Variants in RILPL2 observed in about 807,000 individuals in gnomAD.
RILPL2 encodes Rab interacting lysosomal protein like 2, also known as RILP-like protein 2.
Under a neutral mutation model 22.2 loss-of-function variants are expected in RILPL2, and 19 were observed. The observed-to-expected ratio is 0.86, with a 90% CI of 0.60 to 1.25. The LOEUF is 1.25. Ranked by LOEUF, RILPL2 falls within the 50% of genes most tolerant of loss-of-function variation. RILPL2 has a pLI of 0.00. For synonymous variants in RILPL2, 123 were observed against 111.6 expected (o/e 1.10, Z -0.64); for missense variants, 243 against 263.6 (o/e 0.92, Z 0.54).
chr12:123,431,691 T>C (rs999190009), intron 1 of RILPL2, among the ~76,000 whole-genome samples: 58 of 151,172 alleles, frequency 3.8e-4, no homozygotes, highest in Admixed American at 3.2e-3. Flanking sequence ...CCAGGCGTGG[T>C]GGCAGGCGCC....
At chr12:123,424,445 C>A (rs1470365228) in intron 2 of RILPL2, among the ~76,000 whole-genome samples, 1 of 151,002 alleles carries the variant, frequency 6.6e-6, no homozygotes, top group East Asian at 2.0e-4. Context: ...GATTCTCCTG[C>A]CTCAGCCTCC....
At chr12:123,423,817 CTCATT>C (rs1879359615) in intron 2 of RILPL2, among the ~76,000 whole-genome samples, 1 of 151,946 alleles carries the variant, frequency 6.6e-6, no homozygotes, top group Admixed American at 6.6e-5. Flanking sequence ...CCACACCCGG[CTCATT>C]TTTTGTATTT....
At chr12:123,430,232 ACT>A (rs1486474853) in intron 2 of RILPL2, among the ~76,000 whole-genome samples, 1 of 151,034 alleles carries the variant, frequency 6.6e-6, no homozygotes, top group Non-Finnish European at 1.5e-5. Context: ...ACACGGTGAA[ACT>A]CCGTTTCTAC....
chr12:123,433,252 A>G (rs1350125355), intron 1 of RILPL2, among the ~76,000 whole-genome samples: 1 of 150,986 alleles, frequency 6.6e-6, no homozygotes, highest in East Asian at 2.0e-4. Context: ...GACTACAGGC[A>G]CGTGCCACCG....
intron 2 of RILPL2, among the ~76,000 whole-genome samples, chr12:123,427,432 A>G (rs1316956685): frequency 6.6e-6 from 1 of 152,198 alleles, no homozygotes; most frequent in Non-Finnish European, 1.5e-5. Flanking sequence ...GAGGGAAAAC[A>G]GAATCCACCT....
At chr12:123,421,347 G>GA (rs1593489002) in intron 3 of RILPL2, among the ~76,000 whole-genome samples, 1 of 152,102 alleles carries the variant, frequency 6.6e-6, no homozygotes, top group African/African-American at 2.4e-5. Context: ...TAGCTATGGC[G>GA]AATCTTAAGG....
At position 123,423,070 on chromosome 12, in the gene RILPL2, C is replaced by T. The variant is rs200744433; in HGVS notation, c.579G>A (p.Lys193=). ...GCTTTTTTATGATTGTCTTCTCCTC[C>T]TTGTTCCTGCCAGCATTTTTGGCAC... The part of the protein sequence containing the change: ...VTSAKNAGRN[K]EEKTIIKKLF... Residue 193 remains lysine, a synonymous_variant, in exon 3 of 4, where the codon AAG becomes AAA. Coordinates refer to ENST00000280571, the MANE Select transcript of RILPL2 (RefSeq NM_145058.3). 6.2e-5 allele frequency: 100 copies of T among 1,613,682 alleles called. No individual in the cohort carries two copies. Among genetic ancestry groups the T allele is most frequent in the Non-Finnish European group, 3.4e-6 (4 of 1,179,722 alleles).
chr12:123,420,585 C>T (rs1195850890), intron 3 of RILPL2, among the ~76,000 whole-genome samples: 2 of 151,176 alleles, frequency 1.3e-5, no homozygotes, highest in African/African-American at 4.9e-5. Context: ...TACAGGCACC[C>T]GCCACCATGC....
At chr12:123,422,742 C>T (rs1879320739) in intron 3 of RILPL2, among the ~76,000 whole-genome samples, 1 of 152,144 alleles carries the variant, frequency 6.6e-6, no homozygotes. Context: ...TATTTACCCT[C>T]TGTGAGACCT....
At chr12:123,410,098 C>T (rs1473027280), downstream of RILPL2, among the ~76,000 whole-genome samples, 2 of 152,096 alleles carry the variant, frequency 1.3e-5, no homozygotes, top group Admixed American at 6.6e-5. Flanking sequence ...CCACCCGCCT[C>T]GGCCTCCCAA....
chr12:123,427,090 G>A (rs1474966381), intron 2 of RILPL2, among the ~76,000 whole-genome samples: 1 of 152,040 alleles, frequency 6.6e-6, no homozygotes, highest in East Asian at 1.9e-4. Flanking sequence ...TGAGACTATA[G>A]GTGCACACTG....
chr12:123,434,028 A>G (rs946927294), intron 1 of RILPL2, among the ~76,000 whole-genome samples: 4 of 152,232 alleles, frequency 2.6e-5, no homozygotes, highest in Non-Finnish European at 5.9e-5. Context: ...GGATTAAAAA[A>G]GACATCGTCC....
In RILPL2 at chr12:123,423,014, G is replaced by A. The variant is rs190150659; in HGVS notation, c.605+30C>T. 6.1e-4 allele frequency: 908 copies of A among 1,484,886 alleles called. 3 individuals are homozygous for A. The highest frequency in any genetic ancestry group is 8.6e-4 in the Middle Eastern group (5 of 5,820). 92.0% of individuals were successfully genotyped at this position (1,484,886 alleles called of 1,614,324 possible). ...CTACTTCCTTGAGTTATTATTTGGC[G>A]GGACCGGGGGGCAGCAAGGTGACAC... On this transcript the variant is annotated intron_variant, in intron 3 of 3. Transcript: ENST00000280571.
chr12:123,436,409 G>T lies in RILPL2; in HGVS notation c.12C>A (p.Pro4=). The change falls in exon 1 of 4, where the codon CCC becomes CCA. Residue 4 remains proline, a synonymous_variant. Transcript: ENST00000280571. The surrounding 1 kb of genome is among the most constrained non-coding windows in gnomAD (Gnocchi z 6.7). ...CCTCCTCTTCCTCTTCTCGCACAGGGGGCTCCTCCATGGCCACCCAGACCC... is the reference window on the plus strand; with the variant it reads ...CCTCCTCTTCCTCTTCTCGCACAGGTGGCTCCTCCATGGCCACCCAGACCC... The part of the protein sequence containing the change: MEE[P]PVREEEEEEG... 6.5e-7 allele frequency: 1 copy of T among 1,548,400 alleles called. No individual in the cohort carries two copies.
intron 3 of RILPL2, among the ~76,000 whole-genome samples, chr12:123,421,400 C>A (rs1017954180): frequency 2.0e-5 from 3 of 152,076 alleles, no homozygotes; most frequent in African/African-American, 7.2e-5. Context: ...TACTTCATCT[C>A]ATCAAATTAA....
In RILPL2 at chr12:123,422,068, T is replaced by C. The variant is rs1252500886; in HGVS notation, c.605+976A>G. Among the ~76,000 whole-genome samples, 5 of 149,116 alleles carry C rather than the reference T, an allele frequency of 3.4e-5. No individual in the cohort carries two copies. The East Asian group carries it at 7.9e-4, about 24-fold the overall frequency. Reference sequence around the variant, plus strand: ...CCCAGGCTGGAGTGCAGTAGCGTGATAATAGTGATAATAGTTTACTGCAGC... The same window carrying C: ...CCCAGGCTGGAGTGCAGTAGCGTGACAATAGTGATAATAGTTTACTGCAGC... On this transcript the variant is annotated intron_variant, in intron 3 of 3. Transcript: ENST00000280571.
chr12:123,422,684 G>A (rs552314469), intron 3 of RILPL2, among the ~76,000 whole-genome samples: 2 of 152,204 alleles, frequency 1.3e-5, no homozygotes, highest in African/African-American at 4.8e-5. Context: ...ACATCACAGG[G>A]AGGCAGTGGA....
chr12:123,434,194 G>T (rs1365680690), intron 1 of RILPL2, among the ~76,000 whole-genome samples: 1 of 152,004 alleles, frequency 6.6e-6, no homozygotes, highest in Non-Finnish European at 1.5e-5. Context: ...TGAGGTGGGC[G>T]TATCACTTAA....
chr12:123,412,459 AG>A (rs1346130733), downstream of RILPL2: 8 of 152,158 alleles, frequency 5.3e-5, no homozygotes, highest in Non-Finnish European at 7.3e-5. Flanking sequence ...AGTGTTACAC[AG>A]GGTTCTAGGG....
Sources: allele counts gnomAD v4.1 joint callset (sites outside exome capture counted in the v4.1 genomes callset), GRCh38; gene constraint gnomAD v4.1.1; non-coding constraint Gnocchi (gnomAD v3.1); transcripts MANE v1.5; gene names NCBI Gene and HGNC (gene_info 2026-07-23, HGNC 2026-07-21).